Variants in ITGAL observed in about 807,000 individuals in gnomAD.
ITGAL encodes integrin alpha-L.
A neutral mutation model predicts 138.4 loss-of-function variants in ITGAL; 68 were observed. That is an observed-to-expected ratio of 0.49 (90% confidence interval 0.40 to 0.60). The LOEUF (loss-of-function observed/expected upper bound fraction) is 0.60. Ranked by LOEUF, ITGAL falls within the 20% of genes least tolerant of loss-of-function variation. The pLI is 0.00. For missense variants in ITGAL, 1,256 were observed against 1,478.6 expected, an observed-to-expected ratio of 0.85 and a Z score of 2.47; for synonymous variants, 561 against 584.3, an observed-to-expected ratio of 0.96 and a Z score of 0.57.
chr16:30,517,336 T>G (rs989173971), intron 26 of ITGAL, among the ~76,000 whole-genome samples: 1 of 152,020 alleles, frequency 6.6e-6, no homozygotes, highest in Non-Finnish European at 1.5e-5. Context: ...CCCGTGCCCG[T>G]GGTCTCAGCT....
rs2050797579 is a variant in ITGAL at position 30,496,242 on chromosome 16, C to T, written c.1649C>T (p.Ala550Val). 2 of 1,607,140 alleles carry T rather than the reference C, an allele frequency of 1.2e-6. No individual in the cohort carries two copies. Among genetic ancestry groups the T allele is most frequent in the East Asian group, 2.2e-5 (1 of 44,532 alleles). Residue 550 changes from alanine to valine, a missense_variant, in exon 14 of 31, where the codon GCT becomes GTT. By Grantham distance (64) the Ala-to-Val change is moderately conservative. This residue lies in a region of ITGAL where 867 missense variants were observed against 972.5 expected (regional missense o/e 0.89). Coordinates refer to ENST00000356798, the MANE Select transcript of ITGAL (RefSeq NM_002209.3). ...AVGAPLEEQG[A>V]VYIFNGRHGG... ...GGGGCCCCTCTGGAGGAGCAGGGGG[C>T]TGTGTACATCTTCAATGGGAGGCAC... is the stretch of plus-strand genomic sequence containing the variant.
chr16:30,489,985 G>A (rs1567470661), intron 11 of ITGAL, among the ~76,000 whole-genome samples: 1 of 152,012 alleles, frequency 6.6e-6, no homozygotes, highest in Non-Finnish European at 1.5e-5. Context: ...CCAGCACTTT[G>A]GGAGGCTGAG....
At chr16:30,507,434 T>C (rs1016025648) in intron 21 of ITGAL, among the ~76,000 whole-genome samples, 1 of 128,420 alleles carries the variant, frequency 7.8e-6, no homozygotes, top group African/African-American at 3.1e-5. Flanking sequence ...CACTCCAACC[T>C]GGGCGACAGC....
At chr16:30,518,016 C>A in intron 28 of ITGAL, 121 bp downstream of exon 28, 1 of 747,628 alleles carries the variant, frequency 1.3e-6, no homozygotes, top group African/African-American at 1.7e-5. Context: ...GATGAAAAAT[C>A]CCATTTACAC....
At chr16:30,510,618 G>C (rs2051075811) in intron 22 of ITGAL, 147 bp downstream of exon 22, 1 of 635,166 alleles carries the variant, frequency 1.6e-6, no homozygotes, top group African/African-American at 1.8e-5. Flanking sequence ...ATGTGAATCT[G>C]TTCTGTGTCA....
At position 30,478,712 on chromosome 16, in the gene ITGAL, A is replaced by AAG. The variant is rs1567462774; in HGVS notation, c.328-378_328-377insGA. Among the ~76,000 whole-genome samples, 17 of 151,552 alleles carry AAG rather than the reference A, an allele frequency of 1.1e-4. No individual in the cohort carries two copies. The East Asian group carries it at 1.4e-3, about 12-fold the overall frequency. The stretch of plus-strand genomic sequence containing the variant: ...GACTCCATCTCAAAAAAAAAAAAAA[A>AAG]AAAGAAAGAAAGAAAGAGGCACTGT... On this transcript the variant is annotated intron_variant, in intron 4 of 30. Coordinates refer to ENST00000356798, the MANE Select transcript of ITGAL (RefSeq NM_002209.3).
At chr16:30,506,973 G>A (rs1201761384) in intron 21 of ITGAL, 117 bp downstream of exon 21, 16 of 1,108,554 alleles carry the variant, frequency 1.4e-5, no homozygotes, top group Admixed American at 4.1e-5. Flanking sequence ...GTGGACAGGG[G>A]TCTTAGGGTC....
chr16:30,481,663 G>A, intron 7 of ITGAL, 79 bp downstream of exon 7: 1 of 1,368,350 alleles, frequency 7.3e-7, no homozygotes, highest in South Asian at 1.2e-5. Flanking sequence ...GCAGGGCATG[G>A]GAACTCAGTA....
At position 30,472,805 on chromosome 16, in the gene ITGAL, C is replaced by A. The variant is rs985326097; in HGVS notation, c.-33C>A. Reference sequence around the variant, plus strand: ...ATCCCACGGGCCTCCTGACGCTGCCCCTGGGGCCACAGGTCCCTCGAGTGC... The same window carrying A: ...ATCCCACGGGCCTCCTGACGCTGCCACTGGGGCCACAGGTCCCTCGAGTGC... On this transcript the variant is annotated 5_prime_UTR_variant, in exon 1 of 31. Coordinates refer to ENST00000356798, the MANE Select transcript of ITGAL (RefSeq NM_002209.3). The A allele has an allele frequency of 1.8e-5, 29 of 1,606,706 alleles. No homozygotes were observed. The highest frequency in any genetic ancestry group is 2.0e-5 in the Non-Finnish European group (24 of 1,176,092).
intron 24 of ITGAL, 47 bp from the exon 25 acceptor site, chr16:30,513,724 G>A (rs1232229781): frequency 6.8e-7 from 1 of 1,469,112 alleles, no homozygotes; most frequent in Non-Finnish European, 9.5e-7. Flanking sequence ...CTGGAGCCCG[G>A]GTTGCTGTCA....
At chr16:30,476,206 A>G (rs943004525) in intron 4 of ITGAL, among the ~76,000 whole-genome samples, 7 of 151,790 alleles carry the variant, frequency 4.6e-5, no homozygotes, top group African/African-American at 1.7e-4. Context: ...AGCCGAGATC[A>G]TGCCACTGCA....
At chr16:30,502,165 A>T (rs1234666128) in intron 17 of ITGAL, among the ~76,000 whole-genome samples, 1 of 152,154 alleles carries the variant, frequency 6.6e-6, no homozygotes, top group African/African-American at 2.4e-5. Flanking sequence ...TGGGAGGCCA[A>T]GGTGGGCGGA....
chr16:30,479,086 T>C lies in ITGAL; in HGVS notation c.328-5T>C, dbSNP rs778561047. 7 of 1,612,648 alleles carry C rather than the reference T, an allele frequency of 4.3e-6. No homozygotes were observed. In the East Asian group the frequency reaches 1.6e-4, roughly 36 times the overall value. On this transcript the variant is annotated splice_polypyrimidine_tract_variant and splice_region_variant and intron_variant, in intron 4 of 30. Transcript: ENST00000356798. ...ACCCAAATCTTTGGCCTTTGCTTTC[T>C]TTAGGCCTGTGACCCTGGGCTGTCT...
In ITGAL at chr16:30,472,821, C is replaced by A. The variant is rs2050413175; in HGVS notation, c.-17C>A. On this transcript the variant is annotated 5_prime_UTR_variant, in exon 1 of 31. Coordinates refer to ENST00000356798, the MANE Select transcript of ITGAL (RefSeq NM_002209.3). ...GACGCTGCCCCTGGGGCCACAGGTCCCTCGAGTGCTGGAAGGATGAAGGAT... is the reference window on the plus strand; with the variant it reads ...GACGCTGCCCCTGGGGCCACAGGTCACTCGAGTGCTGGAAGGATGAAGGAT... 6.2e-7 allele frequency: 1 copy of A among 1,611,288 alleles called. No homozygotes were observed. The highest frequency in any genetic ancestry group is 8.5e-7 in the Non-Finnish European group (1 of 1,179,210).
rs1335191668 is a variant in ITGAL at position 30,517,688 on chromosome 16, C to G, written c.3016C>G (p.Leu1006Val). Residue 1006 changes from leucine to valine, a missense_variant, in exon 27 of 31, where the codon CTC (leucine) becomes GTC (valine). This residue lies in a region of ITGAL where 867 missense variants were observed against 972.5 expected (regional missense o/e 0.89). Coordinates refer to ENST00000356798, the MANE Select transcript of ITGAL (RefSeq NM_002209.3). Reference protein sequence around the residue: ...VPCHYEDLERLPDAAEPCLPG... With the variant: ...VPCHYEDLERVPDAAEPCLPG... ...CTGCCACTATGAGGATCTGGAGAGG[C>G]TCCCGGATGCAGCTGAGGTATGGGC... 6.2e-7 allele frequency: 1 copy of G among 1,614,098 alleles called. No homozygotes were observed. The highest frequency in any genetic ancestry group is 8.5e-7 in the Non-Finnish European group (1 of 1,179,948).
At chr16:30,493,611 C>T (rs117391625) in intron 11 of ITGAL, among the ~76,000 whole-genome samples, 7,682 of 152,034 alleles carry the variant, frequency 0.051, 288 homozygotes, top group Non-Finnish European at 0.079. Flanking sequence ...AAAAAGAGGC[C>T]GGGCACAGTG....
chr16:30,488,666 G>A (rs560874015), intron 9 of ITGAL, among the ~76,000 whole-genome samples: 3 of 129,452 alleles, frequency 2.3e-5, no homozygotes, highest in African/African-American at 3.0e-5. Flanking sequence ...TTGCACTACC[G>A]CACTCCAGCC....
chr16:30,516,606 T>C (rs2051169622), intron 25 of ITGAL, among the ~76,000 whole-genome samples: 1 of 152,102 alleles, frequency 6.6e-6, no homozygotes, highest in South Asian at 2.1e-4. Flanking sequence ...CTAGTGGAGA[T>C]GCAGACATCC....
chr16:30,484,017 GC>G, intron 8 of ITGAL, 58 bp downstream of exon 8: 1 of 1,596,992 alleles, frequency 6.3e-7, no homozygotes, highest in Non-Finnish European at 8.6e-7. Context: ...TGAACCCCAA[GC>G]CCCTTTCTCC....
Sources: gnomAD v4.1 joint callset for allele counts (sites outside exome capture counted in the v4.1 genomes callset) on GRCh38, gnomAD v4.1.1 for gene constraint, gnomAD v4.1.1 regional missense constraint, MANE v1.5 for transcripts, NCBI Gene and HGNC (gene_info 2026-07-23, HGNC 2026-07-21) for gene names.